Variants in DSCAM observed in about 807,000 individuals in gnomAD.
DSCAM encodes DS cell adhesion molecule.
In DSCAM, 47 loss-of-function variants were observed where a neutral mutation model predicts 217.7. The ratio of observed to expected loss-of-function variants is 0.22; its 90% confidence interval spans 0.17 to 0.28. DSCAM has a LOEUF of 0.28. Ranked by LOEUF, DSCAM falls within the 10% of genes least tolerant of loss-of-function variation. The pLI, the probability that DSCAM is intolerant of heterozygous loss-of-function variation, is 1.00. For missense variants in DSCAM, 2,080 were observed against 2,618.3 expected (o/e 0.79, Z 4.49); for synonymous variants, 1,056 against 1,015.3 (o/e 1.04, Z -0.76).
intron 1 of DSCAM, among the ~76,000 whole-genome samples, chr21:40,843,557 G>C (rs1424936421): frequency 6.6e-6 from 1 of 152,138 alleles, no homozygotes; most frequent in Non-Finnish European, 1.5e-5. Context: ...AGGAGAAATG[G>C]TAATGAAACA....
chr21:40,533,031 A>G (rs2076461955), intron 3 of DSCAM, among the ~76,000 whole-genome samples: 1 of 152,042 alleles, frequency 6.6e-6, no homozygotes, highest in Non-Finnish European at 1.5e-5. Flanking sequence ...CGTGGGTTAA[A>G]ATAAAGTCAC....
chr21:40,078,708 C>A lies in DSCAM; in HGVS notation c.4690G>T (p.Ala1564Ser). Residue 1564 changes from alanine to serine, a missense_variant, in exon 26 of 33, where the codon GCT becomes TCT. Coordinates refer to ENST00000400454, the MANE Select transcript of DSCAM (RefSeq NM_001389.5). ...TTACTGCCATCGTAGTTCAGCGTAG[C>A]GAAGTTGGCCTGCTTCTCCGCGCAG... is the stretch of plus-strand genomic sequence containing the variant. ...AGCAEKQANF[A>S]TLNYDGSTIP... is the part of the protein sequence containing the mutation. 11 of 1,614,032 alleles carry A rather than the reference C, an allele frequency of 6.8e-6. No individual in the cohort carries two copies. Among genetic ancestry groups the A allele is most frequent in the Non-Finnish European group, 8.5e-6 (10 of 1,179,934 alleles).
chr21:40,764,622 A>G (rs551228679), intron 1 of DSCAM, among the ~76,000 whole-genome samples: 1 of 152,348 alleles, frequency 6.6e-6, no homozygotes, highest in Admixed American at 6.5e-5. Flanking sequence ...AGGATTAGAA[A>G]TCATTCTACT....
chr21:40,519,981 A>G (rs1419144471), intron 3 of DSCAM, among the ~76,000 whole-genome samples: 1 of 152,112 alleles, frequency 6.6e-6, no homozygotes, highest in Non-Finnish European at 1.5e-5. Flanking sequence ...TCCTTCTTAT[A>G]ACATTCTAGA....
intron 11 of DSCAM, among the ~76,000 whole-genome samples, chr21:40,217,473 G>A (rs1461712231): frequency 6.6e-6 from 1 of 152,070 alleles, no homozygotes; most frequent in Non-Finnish European, 1.5e-5. Flanking sequence ...AGGTAAACTT[G>A]TGTTATGGGG....
chr21:40,042,308 G>A (rs2146476860), intron 32 of DSCAM, 63 bp downstream of exon 32: 3 of 1,553,826 alleles, frequency 1.9e-6, no homozygotes, highest in Non-Finnish European at 1.7e-6. Flanking sequence ...CACAGCAGAT[G>A]AGGGAGGACC....
chr21:40,302,210 C>A (rs904627393), intron 9 of DSCAM, among the ~76,000 whole-genome samples: 1 of 152,114 alleles, frequency 6.6e-6, no homozygotes, highest in Admixed American at 6.5e-5. Flanking sequence ...TGTCCCCACC[C>A]AAATCTCATC....
intron 1 of DSCAM, among the ~76,000 whole-genome samples, chr21:40,765,903 G>A (rs1029574028): frequency 4.6e-5 from 7 of 152,184 alleles, no homozygotes; most frequent in Non-Finnish European, 1.0e-4. Context: ...GTCAGCTGCA[G>A]GAGAACGAGG....
In DSCAM at chr21:40,142,944, A is replaced by C. The variant is rs1601377783; in HGVS notation, c.3260-240T>G. On this transcript the variant is annotated intron_variant, in intron 17 of 32. Coordinates refer to ENST00000400454, the MANE Select transcript of DSCAM (RefSeq NM_001389.5). ...ATGGATTCCATAGTCTCTCTTTCCA[A>C]CTTAGTTTCTTTACTTTTAGGACAG... 2.6e-5 allele frequency among the ~76,000 whole-genome samples: 4 copies of C among 152,270 alleles called. No individual in the cohort carries two copies. In the East Asian group the frequency reaches 5.8e-4, roughly 22 times the overall value.
At chr21:40,184,427 G>A (rs1235957935) in intron 14 of DSCAM, among the ~76,000 whole-genome samples, 3 of 152,090 alleles carry the variant, frequency 2.0e-5, no homozygotes, top group Admixed American at 6.5e-5. Flanking sequence ...GGATCTGCTT[G>A]TCCTGTGGGC....
rs1569092958 is a variant in DSCAM at position 40,376,568 on chromosome 21, T to G, written c.509-7323A>C. 1.0e-3 allele frequency among the ~76,000 whole-genome samples: 50 copies of G among 48,254 alleles called. 3 individuals are homozygous for G. Among genetic ancestry groups the G allele is most frequent in the Admixed American group, 3.7e-3 (14 of 3,772 alleles). The allele number at this position is 48,254 out of a possible 152,430, so 31.7% of individuals were successfully genotyped here. On this transcript the variant is annotated intron_variant, in intron 3 of 32. Coordinates refer to ENST00000400454, the MANE Select transcript of DSCAM (RefSeq NM_001389.5). Reference sequence around the variant, plus strand: ...ATCTTATATCGATATCTATATATCTTATATCGATATCTATATATCTTATAT... The same window carrying G: ...ATCTTATATCGATATCTATATATCTGATATCGATATCTATATATCTTATAT...
chr21:40,790,407 T>C (rs1477674001), intron 1 of DSCAM, among the ~76,000 whole-genome samples: 1 of 152,116 alleles, frequency 6.6e-6, no homozygotes, highest in Non-Finnish European at 1.5e-5. Context: ...ACGTTTATCT[T>C]TCTCAAGCTT....
At chr21:40,326,035 A>C (rs2074313517) in intron 8 of DSCAM, among the ~76,000 whole-genome samples, 2 of 152,188 alleles carry the variant, frequency 1.3e-5, no homozygotes, top group South Asian at 4.1e-4. Context: ...ATTTACATGC[A>C]TGTCTAAATA....
chr21:40,144,421 G>C lies in DSCAM; in HGVS notation c.3259+70C>G. The C allele has an allele frequency of 6.3e-7, 1 of 1,586,126 alleles. No homozygotes were observed. The highest frequency in any genetic ancestry group is 8.6e-7 in the Non-Finnish European group (1 of 1,164,296). ...GGGGCGGGGGAGTGCGAGGTTGGGG[G>C]AGCCCCGGGGCAGACCCGAGGGAAC... On this transcript the variant is annotated intron_variant, in intron 17 of 32. Transcript: ENST00000400454. The surrounding 1 kb of genome is among the most constrained non-coding windows in gnomAD (Gnocchi z 4.8).
intron 3 of DSCAM, among the ~76,000 whole-genome samples, chr21:40,469,777 G>C (rs1476337269): frequency 6.6e-6 from 1 of 152,152 alleles, no homozygotes; most frequent in Non-Finnish European, 1.5e-5. Flanking sequence ...TTCTTCGTGG[G>C]AGGAAAACGG....
chr21:40,681,996 G>C (rs2090406083), intron 3 of DSCAM, among the ~76,000 whole-genome samples: 1 of 152,124 alleles, frequency 6.6e-6, no homozygotes, highest in Admixed American at 6.5e-5. Context: ...TGCTGACGCT[G>C]TGACTTTGGA....
At chr21:40,786,703 T>A (rs2091597322) in intron 1 of DSCAM, among the ~76,000 whole-genome samples, 1 of 152,204 alleles carries the variant, frequency 6.6e-6, no homozygotes, top group Non-Finnish European at 1.5e-5. Context: ...TTGGGATTCG[T>A]CAGAGTTCCT....
At chr21:40,170,923 G>C (rs2090650200) in intron 15 of DSCAM, among the ~76,000 whole-genome samples, 1 of 152,116 alleles carries the variant, frequency 6.6e-6, no homozygotes, top group Non-Finnish European at 1.5e-5. Context: ...GCACACAAGA[G>C]TTGCAACCTT....
At chr21:40,510,076 G>A (rs895645383) in intron 3 of DSCAM, among the ~76,000 whole-genome samples, 1 of 152,114 alleles carries the variant, frequency 6.6e-6, no homozygotes, top group African/African-American at 2.4e-5. Context: ...AGTCAGCTGA[G>A]ATCGCCCCAC....
Sources: gnomAD v4.1 joint callset for allele counts (sites outside exome capture counted in the v4.1 genomes callset) on GRCh38, gnomAD v4.1.1 for gene constraint, Gnocchi (gnomAD v3.1) non-coding constraint, MANE v1.5 for transcripts, NCBI Gene and HGNC (gene_info 2026-07-23, HGNC 2026-07-21) for gene names.